The following CRPPA variants were observed in gnomAD, a reference collection of about 807,000 sequenced individuals.
CRPPA encodes the protein D-ribitol-5-phosphate cytidylyltransferase.
CRPPA carries 43 observed loss-of-function variants against 52.0 expected under a neutral mutation model. That is an observed-to-expected ratio of 0.83 (90% CI 0.65 to 1.07). CRPPA has a LOEUF of 1.07. Among genes scored for constraint, CRPPA ranks in the 50% least tolerant of loss-of-function variants. The pLI, the probability that CRPPA is intolerant of heterozygous loss-of-function variation, is 0.00. For synonymous variants in CRPPA, 250 were observed against 203.5 expected (o/e 1.23, Z -1.94); for missense variants, 629 against 551.7 (o/e 1.14, Z -1.40).
chr7:16,234,094 C>A (rs991010565), intron 8 of CRPPA, among the ~76,000 whole-genome samples: 1 of 152,098 alleles, frequency 6.6e-6, no homozygotes, highest in Non-Finnish European at 1.5e-5. Flanking sequence ...TTGTTTTCAA[C>A]TTAACATTTC....
chr7:16,283,444 T>C lies in CRPPA; in HGVS notation c.836-5218A>G, dbSNP rs141533611. On this transcript the variant is annotated intron_variant, in intron 5 of 9. Transcript: ENST00000407010. ...TCACATATATATCATATATGATATA[T>C]ATGACACTATAAAGATGATACTGTA... 6.8e-3 allele frequency among the ~76,000 whole-genome samples: 1,018 copies of C among 150,190 alleles called. 15 individuals are homozygous for C. The highest frequency in any genetic ancestry group is 0.024 in the African/African-American group (997 of 41,156).
chr7:16,213,179 T>C (rs1464071873), intron 9 of CRPPA, among the ~76,000 whole-genome samples: 2 of 152,236 alleles, frequency 1.3e-5, no homozygotes, highest in African/African-American at 4.8e-5. Context: ...GTAAGTTCAC[T>C]GCTAGATCAT....
chr7:16,346,661 T>C (rs543019231), intron 3 of CRPPA, among the ~76,000 whole-genome samples: 1 of 152,278 alleles, frequency 6.6e-6, no homozygotes, highest in East Asian at 1.9e-4. Context: ...CCTTGTCTTG[T>C]CTCATAGATG....
intron 9 of CRPPA, among the ~76,000 whole-genome samples, chr7:16,106,436 T>G (rs1309121450): frequency 6.6e-6 from 1 of 152,174 alleles, no homozygotes; most frequent in Non-Finnish European, 1.5e-5. Context: ...GACCAGAAGC[T>G]ACTACAGTAT....
chr7:16,096,251 G>GGCAAAGAAGCAGAAA (rs1195406972), intron 9 of CRPPA, among the ~76,000 whole-genome samples: 1 of 151,732 alleles, frequency 6.6e-6, no homozygotes, highest in Non-Finnish European at 1.5e-5. Flanking sequence ...TCACTAGATA[G>GGCAAAGAAGCAGAAA]GCAAAGAAGC....
intron 6 of CRPPA, among the ~76,000 whole-genome samples, chr7:16,273,645 C>T (rs1193042870): frequency 6.6e-6 from 1 of 152,110 alleles, no homozygotes; most frequent in Non-Finnish European, 1.5e-5. Flanking sequence ...CCTGATTCCT[C>T]CCGGACACCG....
intron 8 of CRPPA, among the ~76,000 whole-genome samples, chr7:16,224,795 C>A (rs1284838957): frequency 6.6e-6 from 1 of 152,052 alleles, no homozygotes; most frequent in Admixed American, 6.6e-5. Context: ...TTTAGAAAAA[C>A]TATCTTATTT....
chr7:16,216,507 T>G (rs1562563362), intron 8 of CRPPA: 2 of 253,396 alleles, frequency 7.9e-6, no homozygotes, highest in Non-Finnish European at 1.5e-5. Context: ...GACGGGTGAT[T>G]TCTGCATTTC....
intron 8 of CRPPA, among the ~76,000 whole-genome samples, chr7:16,236,443 A>T (rs958326932): frequency 6.6e-6 from 1 of 152,184 alleles, no homozygotes; most frequent in African/African-American, 2.4e-5. Flanking sequence ...TCTGGTACCC[A>T]GAAAATTGAA....
chr7:16,401,144 C>T (rs1384272892), intron 2 of CRPPA, among the ~76,000 whole-genome samples: 1 of 152,166 alleles, frequency 6.6e-6, no homozygotes, highest in Non-Finnish European at 1.5e-5. Flanking sequence ...ATTACTTCAT[C>T]TTTCTGGTGA....
At chr7:16,194,242 A>G (rs972883675) in intron 9 of CRPPA, among the ~76,000 whole-genome samples, 4 of 152,154 alleles carry the variant, frequency 2.6e-5, no homozygotes, top group Admixed American at 6.5e-5. Flanking sequence ...TTCATTAGAC[A>G]TAACACTATT....
At chr7:16,307,411 G>A (rs1784934101) in intron 4 of CRPPA, among the ~76,000 whole-genome samples, 1 of 152,054 alleles carries the variant, frequency 6.6e-6, no homozygotes, top group South Asian at 2.1e-4. Context: ...GCCAGGTGTG[G>A]TGGCTCACAC....
intron 2 of CRPPA, among the ~76,000 whole-genome samples, chr7:16,387,893 A>T (rs1167602882): frequency 6.6e-6 from 1 of 152,234 alleles, no homozygotes; most frequent in East Asian, 1.9e-4. Context: ...CTGGACCATA[A>T]AACAAGTTAT....
At chr7:16,371,421 A>C (rs888482440) in intron 3 of CRPPA, among the ~76,000 whole-genome samples, 1 of 152,132 alleles carries the variant, frequency 6.6e-6, no homozygotes, top group East Asian at 1.9e-4. Context: ...GCCAGTGCAC[A>C]AAGATCCTCT....
chr7:16,195,520 T>C (rs1447463762), intron 9 of CRPPA, among the ~76,000 whole-genome samples: 1 of 152,002 alleles, frequency 6.6e-6, no homozygotes, highest in Admixed American at 6.6e-5. Flanking sequence ...GGGCCTCAGC[T>C]TCCCCCATTT....
chr7:16,333,327 A>G lies in CRPPA; in HGVS notation c.685-24700T>C, dbSNP rs114470104. ...CATCATCAAAACACATGTGCTTCTC[A>G]GACTCATATGAAGCATTCACCAAGA... On this transcript the variant is annotated intron_variant, in intron 3 of 9. Transcript: ENST00000407010. Among the ~76,000 whole-genome samples, 571 of 152,338 alleles carry G rather than the reference A, an allele frequency of 3.7e-3. 2 individuals are homozygous for G. The highest frequency in any genetic ancestry group is 0.013 in the African/African-American group (548 of 41,588).
At chr7:16,294,425 T>G (rs1269416978) in intron 5 of CRPPA, among the ~76,000 whole-genome samples, 2 of 151,722 alleles carry the variant, frequency 1.3e-5, no homozygotes, top group African/African-American at 4.8e-5. Flanking sequence ...ACAAGTGAAC[T>G]CTACTTTTCC....
At chr7:16,099,143 C>G (rs79284762) in intron 9 of CRPPA, among the ~76,000 whole-genome samples, 13,174 of 151,556 alleles carry the variant, frequency 0.087, 725 homozygotes, top group East Asian at 0.15. Flanking sequence ...GTTCCTGCTA[C>G]GAAGGTGGCT....
chr7:16,217,287 C>CTGTA (rs1477704064), intron 8 of CRPPA, among the ~76,000 whole-genome samples: 4 of 151,648 alleles, frequency 2.6e-5, no homozygotes, highest in African/African-American at 9.7e-5. Flanking sequence ...AAAAACCCAT[C>CTGTA]TGTACATCAC....
Sources: gnomAD v4.1 joint callset for allele counts (sites outside exome capture counted in the v4.1 genomes callset) on GRCh38, gnomAD v4.1.1 for gene constraint, MANE v1.5 for transcripts, NCBI Gene and HGNC (gene_info 2026-07-23, HGNC 2026-07-21) for gene names.